PIK3R6: variants seen among roughly 807,000 people sequenced by gnomAD.
PIK3R6 encodes the protein phosphoinositide 3-kinase regulatory subunit 6.
A neutral mutation model predicts 84.9 loss-of-function variants in PIK3R6; 91 were observed. The observed-to-expected ratio is 1.07, with a 90% CI of 0.90 to 1.28. The LOEUF (loss-of-function observed/expected upper bound fraction) is 1.28. Among genes scored for constraint, PIK3R6 ranks in the 50% most tolerant of loss-of-function variants. The pLI is 0.00. For missense variants in PIK3R6, 996 were observed against 985.1 expected (o/e 1.01, Z -0.15); for synonymous variants, 416 against 411.4 (o/e 1.01, Z -0.13).
rs2151200478 is a variant in PIK3R6 at position 8,819,144 on chromosome 17, CAT to C, written c.1932_1933del (p.Cys645SerfsTer165). On this transcript the variant is annotated frameshift_variant, in exon 18 of 20. Coordinates refer to ENST00000619866, the MANE Select transcript of PIK3R6 (RefSeq NM_001010855.4). LOFTEE classifies it high-confidence loss of function. ...AACCTCTGTCACGTTGACATTCAGA[CAT>C]GTGTGGTCTGTGACAGGAGCAGCAG... The C allele has an allele frequency of 2.5e-6, 4 of 1,610,844 alleles. No homozygotes were observed. The highest frequency in any genetic ancestry group is 1.7e-4 in the Middle Eastern group (1 of 5,832).
At chr17:8,837,103 T>C (rs1332119394) in intron 5 of PIK3R6, among the ~76,000 whole-genome samples, 180 bp from the exon 6 acceptor site, 1 of 152,060 alleles carries the variant, frequency 6.6e-6, no homozygotes, top group Non-Finnish European at 1.5e-5. Context: ...TTCCAGCCTC[T>C]TCTCCCAGCA....
chr17:8,813,321 A>G (rs1191414264), intron 18 of PIK3R6, among the ~76,000 whole-genome samples: 3 of 152,210 alleles, frequency 2.0e-5, no homozygotes, highest in Non-Finnish European at 4.4e-5. Context: ...TACAAGACAT[A>G]CAAGGAAGAA....
At chr17:8,835,562 T>C in intron 7 of PIK3R6, 106 bp from the exon 8 acceptor site, 1 of 990,948 alleles carries the variant, frequency 1.0e-6, no homozygotes, top group South Asian at 2.5e-5. Context: ...AGTAATTTAA[T>C]TCTGCTAAAA....
Position 8,862,142 on chromosome 17 carries a change from T to C in PIK3R6, c.-92+5387A>G, listed in dbSNP as rs2089300332. Among the ~76,000 whole-genome samples the C allele has an allele frequency of 6.6e-6, 1 of 152,228 alleles. No individual in the cohort carries two copies. Among genetic ancestry groups the C allele is most frequent in the Admixed American group, 6.5e-5 (1 of 15,286 alleles). ...AGGTCTGAGTCATCCCCTGGGGGTC[T>C]TGGAGTGTGTCCCCTGCAGGTAAGG... On this transcript the variant is annotated intron_variant, in intron 1 of 19. Transcript: ENST00000619866. This position sits in a 1 kb window ranked among gnomAD's most constrained non-coding sequence, Gnocchi z 4.3.
At chr17:8,837,617 C>G (rs2088523277) in intron 5 of PIK3R6, among the ~76,000 whole-genome samples, 186 bp downstream of exon 5, 1 of 152,144 alleles carries the variant, frequency 6.6e-6, no homozygotes, top group South Asian at 2.1e-4. Context: ...CATTGTCTCT[C>G]CAGAGTTCTC....
At chr17:8,837,763 C>G (rs1453017528) in intron 5 of PIK3R6, 40 bp downstream of exon 5, 1 of 1,545,156 alleles carries the variant, frequency 6.5e-7, no homozygotes, top group South Asian at 1.1e-5. Context: ...CAGCCACATG[C>G]AGGTCACCAC....
At chr17:8,861,159 G>T (rs1377119805) in intron 1 of PIK3R6, among the ~76,000 whole-genome samples, 2 of 148,878 alleles carry the variant, frequency 1.3e-5, no homozygotes, top group Non-Finnish European at 3.0e-5. Context: ...TCCAGCCTGG[G>T]TGACAGAGTG....
At chr17:8,815,019 A>G (rs567081650) in intron 18 of PIK3R6, among the ~76,000 whole-genome samples, 1 of 152,358 alleles carries the variant, frequency 6.6e-6, no homozygotes, top group Non-Finnish European at 1.5e-5. Flanking sequence ...GTTCACATTC[A>G]AAGAAATCCA....
intron 2 of PIK3R6, 129 bp downstream of exon 2, chr17:8,849,653 G>T: frequency 9.4e-7 from 1 of 1,069,080 alleles, no homozygotes; most frequent in Non-Finnish European, 1.3e-6. Flanking sequence ...CAGGATCCCT[G>T]AATTGGGGTC....
At position 8,804,150 on chromosome 17, in the gene PIK3R6, C is replaced by T. The variant is rs2087129197; in HGVS notation, c.1999G>A (p.Val667Met). The part of the protein sequence containing the change: ...SNLAGKSFST[V>M]TNTFRTNNIQ... ...TTGTTCGTCCTGAAGGTGTTGGTCACTGTCTGCAGCACAGAGATCGCACGT... is the reference window on the plus strand; with the variant it reads ...TTGTTCGTCCTGAAGGTGTTGGTCATTGTCTGCAGCACAGAGATCGCACGT... Residue 667 changes from valine (V) to methionine (M), a missense_variant, in exon 19 of 20, where the codon GTG becomes ATG. Physicochemically the swap from Val to Met is conservative, Grantham distance 21. Transcript: ENST00000619866. The T allele has an allele frequency of 6.2e-7, 1 of 1,612,844 alleles. No homozygotes were observed. The highest frequency in any genetic ancestry group is 8.5e-7 in the Non-Finnish European group (1 of 1,178,848).
chr17:8,850,637 G>A (rs781466064), intron 1 of PIK3R6, among the ~76,000 whole-genome samples: 3 of 152,286 alleles, frequency 2.0e-5, no homozygotes, highest in South Asian at 4.1e-4. Context: ...TCCCCAGAGC[G>A]ATAAACCCAA....
intron 7 of PIK3R6, among the ~76,000 whole-genome samples, chr17:8,836,289 T>C (rs2088463889): frequency 6.6e-6 from 1 of 152,186 alleles, no homozygotes; most frequent in Admixed American, 6.5e-5. Flanking sequence ...ATGTCCACCT[T>C]CTGCATGTGA....
chr17:8,841,170 G>A (rs758211545), intron 2 of PIK3R6, among the ~76,000 whole-genome samples: 4 of 151,178 alleles, frequency 2.6e-5, no homozygotes, highest in South Asian at 2.1e-4. Flanking sequence ...TCCACCCCCC[G>A]CCCCAAGTAT....
At chr17:8,805,926 A>G (rs2087192881) in intron 18 of PIK3R6, among the ~76,000 whole-genome samples, 1 of 151,874 alleles carries the variant, frequency 6.6e-6, no homozygotes, top group Non-Finnish European at 1.5e-5. Context: ...TCAAAAAAAA[A>G]AAAGAAAAAG....
At chr17:8,830,771 C>T (rs981869828) in intron 9 of PIK3R6, among the ~76,000 whole-genome samples, 3 of 152,222 alleles carry the variant, frequency 2.0e-5, no homozygotes, top group African/African-American at 4.8e-5. Context: ...TTACCCACAA[C>T]ACTGTGCTTA....
intron 4 of PIK3R6, among the ~76,000 whole-genome samples, chr17:8,838,136 A>G (rs2151273507): frequency 6.6e-6 from 1 of 152,332 alleles, no homozygotes; most frequent in Admixed American, 6.5e-5. Flanking sequence ...TAGGAGTCGC[A>G]GCAAAGCAAC....
intron 5 of PIK3R6, among the ~76,000 whole-genome samples, 183 bp downstream of exon 5, chr17:8,837,620 G>C (rs2088523463): frequency 1.3e-5 from 2 of 152,200 alleles, no homozygotes; most frequent in South Asian, 4.1e-4. Context: ...TGTCTCTCCA[G>C]AGTTCTCTCT....
chr17:8,829,213 A>T (rs930090491), intron 10 of PIK3R6, among the ~76,000 whole-genome samples: 2 of 125,670 alleles, frequency 1.6e-5, no homozygotes, highest in Non-Finnish European at 3.4e-5. Flanking sequence ...GCACACACAC[A>T]GACACACACA....
intron 1 of PIK3R6, among the ~76,000 whole-genome samples, chr17:8,854,332 A>G (rs1384616071): frequency 2.6e-5 from 4 of 152,080 alleles, no homozygotes; most frequent in Non-Finnish European, 5.9e-5. Flanking sequence ...TATTTTTAGT[A>G]GAGACAGGGT....
Sources: allele counts gnomAD v4.1 joint callset (sites outside exome capture counted in the v4.1 genomes callset), GRCh38; gene constraint gnomAD v4.1.1; non-coding constraint Gnocchi (gnomAD v3.1); transcripts MANE v1.5; gene names NCBI Gene and HGNC (gene_info 2026-07-23, HGNC 2026-07-21).